The following PAM variants were observed in gnomAD, a reference collection of about 807,000 sequenced individuals.
PAM encodes the protein peptidyl-glycine alpha-amidating monooxygenase.
A neutral mutation model predicts 122.1 loss-of-function variants in PAM; 72 were observed. That is an observed-to-expected ratio of 0.59 (90% CI 0.49 to 0.72). PAM has a LOEUF of 0.72. Among genes scored for constraint, PAM ranks in the 30% least tolerant of loss-of-function variants. PAM has a pLI of 0.00. For synonymous variants in PAM, 389 were observed against 404.4 expected (o/e 0.96, Z 0.46); for missense variants, 1,106 against 1,183.7 (o/e 0.93, Z 0.96).
Position 103,020,941 on chromosome 5 carries a change from A to C in PAM, c.2485+1098A>C, listed in dbSNP as rs548652977. 4.6e-5 allele frequency among the ~76,000 whole-genome samples: 7 copies of C among 152,266 alleles called. No homozygotes were observed. In the South Asian group the frequency reaches 1.5e-3, roughly 32 times the overall value. ...GCATTCATATCACACTCATATACTA[A>C]AGAAGGTTCCTGTCCCCCTAGTTTT... On this transcript the variant is annotated intron_variant, in intron 23 of 25. Coordinates refer to ENST00000438793, the MANE Select transcript of PAM (RefSeq NM_001177306.2).
intron 21 of PAM, among the ~76,000 whole-genome samples, chr5:103,013,506 A>G (rs1781201333): frequency 6.6e-6 from 1 of 152,174 alleles, no homozygotes; most frequent in Non-Finnish European, 1.5e-5. Flanking sequence ...ATCTGCAAAC[A>G]AGGATAATTT....
Position 102,805,107 on chromosome 5 carries a change from G to T in PAM, c.-374+49759G>T, listed in dbSNP as rs1001128660. Among the ~76,000 whole-genome samples, 127 of 126,492 alleles carry T rather than the reference G, an allele frequency of 1.0e-3. 1 individual carries two copies. The highest frequency in any genetic ancestry group is 3.7e-3 in the African/African-American group (118 of 31,960). 83.0% of individuals were successfully genotyped at this position (126,492 alleles called of 152,430 possible). A position where few individuals can be genotyped will look rare whatever the true frequency, so the allele number is the denominator to read the frequency against. ...TTTTTTTGAGACGGAGCCTCTCTCT[G>T]TTGGCCAGGCTGGAGTGCAGTAGTG... On this transcript the variant is annotated intron_variant, in intron 1 of 25. Transcript: ENST00000438793.
intron 1 of PAM, among the ~76,000 whole-genome samples, chr5:102,788,955 T>A (rs2149969538): frequency 6.6e-6 from 1 of 152,244 alleles, no homozygotes; most frequent in African/African-American, 2.4e-5. Flanking sequence ...CTCTGTTGGT[T>A]GACACTAACG....
At position 102,910,183 on chromosome 5, in the gene PAM, G is replaced by A. The variant is rs913492148; in HGVS notation, c.269-3751G>A. 5.9e-5 allele frequency among the ~76,000 whole-genome samples: 9 copies of A among 151,886 alleles called. No homozygotes were observed. In the South Asian group the frequency reaches 1.0e-3, roughly 18 times the overall value. On this transcript the variant is annotated intron_variant, in intron 4 of 25. Coordinates refer to ENST00000438793, the MANE Select transcript of PAM (RefSeq NM_001177306.2). ...TAAATGACATTCTCCCCCAGGTCAC[G>A]TTCTTAGAGAATTTTGTGGCCCTGA... is the stretch of plus-strand genomic sequence containing the variant.
At chr5:102,945,651 T>TC (rs532975979) in intron 7 of PAM, among the ~76,000 whole-genome samples, 2 of 151,920 alleles carry the variant, frequency 1.3e-5, no homozygotes, top group African/African-American at 2.4e-5. Flanking sequence ...TCTATTCTTC[T>TC]CCCCCCCTCT....
Position 103,006,992 on chromosome 5 carries a change from C to T in PAM, c.1995C>T (p.Phe665=). Residue 665 remains phenylalanine, a synonymous_variant, in exon 19 of 26, where the codon TTC becomes TTT. Transcript: ENST00000438793. ...TGCAGTTTTCACCAAGTGGAAAGTTCATCACACAGTGGGGAGAAGGTACCC... is the reference window on the plus strand; with the variant it reads ...TGCAGTTTTCACCAAGTGGAAAGTTTATCACACAGTGGGGAGAAGGTACCC... ...RIVQFSPSGK[F]ITQWGEESSG... 1 of 1,612,706 alleles carries T rather than the reference C, an allele frequency of 6.2e-7. No homozygotes were observed. The highest frequency in any genetic ancestry group is 8.5e-7 in the Non-Finnish European group (1 of 1,179,014).
chr5:102,883,824 A>G (rs879466047), intron 3 of PAM, among the ~76,000 whole-genome samples: 2 of 151,888 alleles, frequency 1.3e-5, no homozygotes, highest in African/African-American at 4.8e-5. Flanking sequence ...ACTTTTCCCC[A>G]TTCAGTATAA....
At chr5:102,908,868 T>C (rs1350020440) in intron 4 of PAM, among the ~76,000 whole-genome samples, 1 of 151,710 alleles carries the variant, frequency 6.6e-6, no homozygotes, top group East Asian at 2.0e-4. Context: ...TTGTGGTGGG[T>C]TTTTAGCATG....
At position 103,017,358 on chromosome 5, in the gene PAM, GTTGCATCTGAA is replaced by G; in HGVS notation, c.2357_2367del (p.Val786GlyfsTer21). ...GCACTTTGATATGCCTCATGATATT[GTTGCATCTGAA>G]GATGGGACTGTGTACATTGGAGATG... On this transcript the variant is annotated frameshift_variant, in exon 22 of 26. Coordinates refer to ENST00000438793, the MANE Select transcript of PAM (RefSeq NM_001177306.2). LOFTEE classifies it high-confidence loss of function. 6.2e-7 allele frequency: 1 copy of G among 1,611,290 alleles called. No homozygotes were observed. Among genetic ancestry groups the G allele is most frequent in the South Asian group, 1.1e-5 (1 of 90,924 alleles).
intron 1 of PAM, among the ~76,000 whole-genome samples, chr5:102,774,449 G>GT (rs754523674): frequency 6.6e-6 from 1 of 152,054 alleles, no homozygotes; most frequent in Admixed American, 6.6e-5. Flanking sequence ...TTCTGTGTCA[G>GT]TTTTTTCATA....
At chr5:102,933,760 G>A (rs538975440) in intron 7 of PAM, among the ~76,000 whole-genome samples, 1 of 152,342 alleles carries the variant, frequency 6.6e-6, no homozygotes, top group South Asian at 2.1e-4. Flanking sequence ...GAAATTGTGA[G>A]CTCAGGAAAA....
intron 12 of PAM, among the ~76,000 whole-genome samples, chr5:102,954,301 CT>C (rs1759993849): frequency 6.6e-6 from 1 of 151,832 alleles, no homozygotes; most frequent in Non-Finnish European, 1.5e-5. Flanking sequence ...CCTTAACCCC[CT>C]CCCACTCTTC....
chr5:103,012,780 C>T lies in PAM; in HGVS notation c.2331+2914C>T, dbSNP rs187899085. Among the ~76,000 whole-genome samples, 202 of 149,484 alleles carry T rather than the reference C, an allele frequency of 1.4e-3. 2 individuals are homozygous for T. The highest frequency in any genetic ancestry group is 4.8e-3 in the African/African-American group (195 of 40,642). On this transcript the variant is annotated intron_variant, in intron 21 of 25. Transcript: ENST00000438793. Reference sequence around the variant, plus strand: ...CTGAGGCAGGAGAATGGCGTGAACCCGGGAGGCAGAGCTTGCAGTGAGCGA... The same window carrying T: ...CTGAGGCAGGAGAATGGCGTGAACCTGGGAGGCAGAGCTTGCAGTGAGCGA...
intron 1 of PAM, among the ~76,000 whole-genome samples, chr5:102,767,072 T>C (rs964871264): frequency 1.3e-5 from 2 of 151,378 alleles, no homozygotes; most frequent in Non-Finnish European, 2.9e-5. Context: ...TGTGGTTTCA[T>C]GAAACAGATT....
chr5:102,816,610 A>G (rs952521795), intron 1 of PAM, among the ~76,000 whole-genome samples: 4 of 152,154 alleles, frequency 2.6e-5, no homozygotes, highest in Non-Finnish European at 4.4e-5. Flanking sequence ...ACTTTTCAGC[A>G]TCATTTGGGA....
At chr5:102,883,183 C>A (rs757047984) in intron 3 of PAM, among the ~76,000 whole-genome samples, 12 of 151,430 alleles carry the variant, frequency 7.9e-5, no homozygotes, top group Non-Finnish European at 1.5e-4. Context: ...TTTGCATGGT[C>A]TTGTTTTGGC....
At chr5:102,758,073 G>T (rs393384) in intron 1 of PAM, among the ~76,000 whole-genome samples, 1,928 of 24,278 alleles carry the variant, frequency 0.079, 68 homozygotes, top group South Asian at 0.1. Flanking sequence ...TTAGAATTTT[G>T]TTTTTTTTTT....
At chr5:102,806,319 G>A (rs1158148608) in intron 1 of PAM, among the ~76,000 whole-genome samples, 1 of 152,186 alleles carries the variant, frequency 6.6e-6, no homozygotes, top group Non-Finnish European at 1.5e-5. Flanking sequence ...GGTAAGCCAG[G>A]ATTGCAAGCC....
chr5:102,844,469 C>T (rs1008672804), intron 1 of PAM, among the ~76,000 whole-genome samples: 1 of 151,992 alleles, frequency 6.6e-6, no homozygotes, highest in Non-Finnish European at 1.5e-5. Context: ...GAGATTGAGA[C>T]CAGCCTGGGT....
Sources: allele counts gnomAD v4.1 joint callset (sites outside exome capture counted in the v4.1 genomes callset), GRCh38; gene constraint gnomAD v4.1.1; transcripts MANE v1.5; gene names NCBI Gene and HGNC (gene_info 2026-07-23, HGNC 2026-07-21).